Variants in ZNF671 observed in about 807,000 individuals in gnomAD.
The protein encoded by ZNF671 is zinc finger protein 671.
Under a neutral mutation model 16.6 loss-of-function variants are expected in ZNF671, and 19 were observed. That is an observed-to-expected ratio of 1.14 (90% CI 0.80 to 1.68). The LOEUF is 1.68. Among genes scored for constraint, ZNF671 ranks in the 40% most tolerant of loss-of-function variants. ZNF671 has a pLI of 0.00. For missense variants in ZNF671, 637 were observed against 659.8 expected (o/e 0.97, Z 0.38); for synonymous variants, 238 against 236.3 (o/e 1.01, Z -0.06).
Position 57,721,007 on chromosome 19 carries a change from C to A in ZNF671, c.1079G>T (p.Arg360Met), listed in dbSNP as rs1985845233. Residue 360 changes from arginine (R) to methionine (M), a missense_variant, in exon 4 of 4, where the codon AGG becomes ATG. Arg to Met is a moderately conservative substitution (Grantham distance 91). Coordinates refer to ENST00000317398, the MANE Select transcript of ZNF671 (RefSeq NM_024833.3). ...FRQISGLIEH[R>M]RVHTGERLYQ... is the part of the protein sequence containing the mutation. ...GAGTCTTTCACCCGTGTGAACTCGCCTGTGCTCAATCAGGCCGGAGATTTG... is the reference window on the plus strand; with the variant it reads ...GAGTCTTTCACCCGTGTGAACTCGCATGTGCTCAATCAGGCCGGAGATTTG... The A allele has an allele frequency of 6.2e-7, 1 of 1,614,176 alleles. No individual in the cohort carries two copies. Among genetic ancestry groups the A allele is most frequent in the Admixed American group, 1.7e-5 (1 of 60,020 alleles).
At chr19:57,724,042 CAAAA>C (rs59972380) in intron 1 of ZNF671, among the ~76,000 whole-genome samples, 5 of 124,812 alleles carry the variant, frequency 4.0e-5, no homozygotes, top group Non-Finnish European at 3.4e-5. Flanking sequence ...GACTCCATCT[CAAAA>C]AAAAAAAAAA....
chr19:57,724,753 C>T (rs1356676317), intron 1 of ZNF671, among the ~76,000 whole-genome samples: 2 of 152,122 alleles, frequency 1.3e-5, no homozygotes, highest in Non-Finnish European at 2.9e-5. Context: ...TCTTGATCTC[C>T]TGACCTCGTG....
intron 1 of ZNF671, among the ~76,000 whole-genome samples, chr19:57,725,252 G>A (rs1362347630): frequency 6.6e-6 from 1 of 150,650 alleles, no homozygotes; most frequent in Non-Finnish European, 1.5e-5. Context: ...TCTCCTGAGG[G>A]CAGGAGTTCG....
chr19:57,727,596 C>T lies in ZNF671; in HGVS notation c.-68G>A, dbSNP rs1463740226. The T allele has an allele frequency of 6.5e-7, 1 of 1,537,972 alleles. No homozygotes were observed. The highest frequency in any genetic ancestry group is 1.2e-5 in the South Asian group (1 of 81,800). On this transcript the variant is annotated 5_prime_UTR_variant, in exon 1 of 4. Coordinates refer to ENST00000317398, the MANE Select transcript of ZNF671 (RefSeq NM_024833.3). ...AGCGTTACAGAACCCCGGCCAGGGA[C>T]AGCCTGACAGAAACAAAATGTCCGC...
At chr19:57,725,321 C>G (rs1986006974) in intron 1 of ZNF671, among the ~76,000 whole-genome samples, 1 of 151,734 alleles carries the variant, frequency 6.6e-6, no homozygotes, top group South Asian at 2.1e-4. Flanking sequence ...AACAAATTAG[C>G]TGGGCGTGGT....
intron 1 of ZNF671, 78 bp downstream of exon 1, chr19:57,727,313 G>A: frequency 1.3e-6 from 2 of 1,504,986 alleles, no homozygotes; most frequent in Non-Finnish European, 1.8e-6. Flanking sequence ...CGCTGTCCTG[G>A]GACACAGGGG....
In ZNF671 at chr19:57,721,960, G is replaced by A. The variant is rs149040247; in HGVS notation, c.389-263C>T. The A allele has an allele frequency of 1.6e-3, 925 of 571,850 alleles. 2 individuals carry two copies. The highest frequency in any genetic ancestry group is 2.4e-3 in the Non-Finnish European group (793 of 328,596). 35.4% of individuals were successfully genotyped at this position (571,850 alleles called of 1,614,324 possible). Reference sequence around the variant, plus strand: ...GTAGGGCCTTGACTGTTAGTGACTCGTGAGTGCTATGAAAAATGTATCCAG... The same window carrying A: ...GTAGGGCCTTGACTGTTAGTGACTCATGAGTGCTATGAAAAATGTATCCAG... On this transcript the variant is annotated intron_variant, in intron 3 of 3. Transcript: ENST00000317398.
chr19:57,725,523 G>A lies in ZNF671; in HGVS notation c.138+1868C>T, dbSNP rs543121179. 2.2e-3 allele frequency among the ~76,000 whole-genome samples: 332 copies of A among 151,996 alleles called. 2 individuals are homozygous for A. The highest frequency in any genetic ancestry group is 7.5e-3 in the African/African-American group (309 of 41,424). On this transcript the variant is annotated intron_variant, in intron 1 of 3. Coordinates refer to ENST00000317398, the MANE Select transcript of ZNF671 (RefSeq NM_024833.3). ...TGGGCACCTGTAATCCCAGCTACTC[G>A]GGAGGCTGAGGTAGGAGAACTGCTT...
In ZNF671 at chr19:57,722,430, A is replaced by G. The variant is rs954400853; in HGVS notation, c.274T>C (p.Phe92Leu). 8.7e-6 allele frequency: 14 copies of G among 1,613,642 alleles called. No individual in the cohort carries two copies. Among genetic ancestry groups the G allele is most frequent in the African/African-American group, 4.0e-5 (3 of 74,906 alleles). Reference sequence around the variant, plus strand: ...TTCATGACTGCACGTGATCTGGAAAATGCAATTCCTAAGGGAAAGTCAGAA... The same window carrying G: ...TTCATGACTGCACGTGATCTGGAAAGTGCAATTCCTAAGGGAAAGTCAGAA... ...FALLASLGIA[F>L]SRSRAVMKLE... Residue 92 changes from phenylalanine (F) to leucine (L), a missense_variant, in exon 3 of 4, where the codon TTT (phenylalanine) becomes CTT (leucine). By Grantham distance (22) the Phe-to-Leu change is conservative (BLOSUM62 0). Coordinates refer to ENST00000317398, the MANE Select transcript of ZNF671 (RefSeq NM_024833.3).
intron 1 of ZNF671, among the ~76,000 whole-genome samples, chr19:57,724,377 ACTC>A (rs1334800744): frequency 6.6e-6 from 1 of 151,602 alleles, no homozygotes; most frequent in East Asian, 1.9e-4. Context: ...ATGTGTAACT[ACTC>A]CTTTAACTTG....
At position 57,720,399 on chromosome 19, in the gene ZNF671, A is replaced by G. The variant is rs2122451066; in HGVS notation, c.*82T>C. The G allele has an allele frequency of 6.6e-7, 1 of 1,526,438 alleles. No homozygotes were observed. Among genetic ancestry groups the G allele is most frequent in the Admixed American group, 1.9e-5 (1 of 51,394 alleles). The allele number at this position is 1,526,438 out of a possible 1,614,324, so 94.6% of individuals were successfully genotyped here. The stretch of plus-strand genomic sequence containing the variant: ...GGGAAGGCTTTCCTGCATCTGCTGC[A>G]CTCATTAACTACTGCTAGTTCCCCA... On this transcript the variant is annotated 3_prime_UTR_variant, in exon 4 of 4. Coordinates refer to ENST00000317398, the MANE Select transcript of ZNF671 (RefSeq NM_024833.3).
In ZNF671 at chr19:57,721,056, T is replaced by C; in HGVS notation, c.1030A>G (p.Ser344Gly). The C allele has an allele frequency of 6.2e-7, 1 of 1,614,194 alleles. No homozygotes were observed. Among genetic ancestry groups the C allele is most frequent in the Admixed American group, 1.7e-5 (1 of 60,026 alleles). The change falls in exon 4 of 4, where the codon AGC (serine) becomes GGC (glycine). Residue 344 changes from serine to glycine, a missense_variant. By Grantham distance (56) the Ser-to-Gly change is moderately conservative (BLOSUM62 0). Transcript: ENST00000317398. ...VHTGERPYEC[S>G]ECGKFFRQIS... ...TGTCTAAAGAATTTCCCACATTCGCTGCACTCGTATGGCCTTTCTCCAGTG... is the reference window on the plus strand; with the variant it reads ...TGTCTAAAGAATTTCCCACATTCGCCGCACTCGTATGGCCTTTCTCCAGTG...
In ZNF671 at chr19:57,727,589, C is replaced by A. The variant is rs1208029963; in HGVS notation, c.-61G>T. ...CCACACAAGCGTTACAGAACCCCGG[C>A]CAGGGACAGCCTGACAGAAACAAAA... On this transcript the variant is annotated 5_prime_UTR_variant, in exon 1 of 4. Transcript: ENST00000317398. 6 of 1,547,778 alleles carry A rather than the reference C, an allele frequency of 3.9e-6. No homozygotes were observed. The African/African-American group carries it at 4.1e-5, about 11-fold the overall frequency.
chr19:57,721,180 C>T lies in ZNF671; in HGVS notation c.906G>A (p.Arg302=). Reference sequence around the variant, plus strand: ...TTTCTCCAGTGTGGATTCTCTGATGCCGAGCAAGTGTGTCTTTGCGGGTGA... The same window carrying T: ...TTTCTCCAGTGTGGATTCTCTGATGTCGAGCAAGTGTGTCTTTGCGGGTGA... ...KAFTRKDTLA[R]HQRIHTGERP... The change falls in exon 4 of 4, where the codon CGG becomes CGA. Residue 302 remains arginine (R), a synonymous_variant. Coordinates refer to ENST00000317398, the MANE Select transcript of ZNF671 (RefSeq NM_024833.3). 1.2e-6 allele frequency: 2 copies of T among 1,613,220 alleles called. No individual in the cohort carries two copies. Among genetic ancestry groups the T allele is most frequent in the Non-Finnish European group, 1.7e-6 (2 of 1,179,350 alleles).
rs749283956 is a variant in ZNF671 at position 57,727,403 on chromosome 19, C to G, written c.126G>C (p.Thr42=). 1.2e-6 allele frequency: 2 copies of G among 1,605,666 alleles called. No individual in the cohort carries two copies. The highest frequency in any genetic ancestry group is 1.7e-6 in the Non-Finnish European group (2 of 1,174,282). The change falls in exon 1 of 4, where the codon ACG becomes ACC. Residue 42 remains threonine, a synonymous_variant. Coordinates refer to ENST00000317398, the MANE Select transcript of ZNF671 (RefSeq NM_024833.3). The part of the protein sequence containing the change: ...VRAHGPMAEL[T]DSARGCVVFE... ...ACGCAGCACCCACCCGCGCGGAGTC[C>G]GTTAGCTCCGCCATAGGACCGTGGG...
chr19:57,721,968 T>G, intron 3 of ZNF671: 1 of 564,678 alleles, frequency 1.8e-6, no homozygotes, highest in Non-Finnish European at 3.1e-6. Flanking sequence ...TCGTGAGTGC[T>G]ATGAAAAATG....
chr19:57,727,620 G>A lies in ZNF671; in HGVS notation c.-92C>T. On this transcript the variant is annotated 5_prime_UTR_variant, in exon 1 of 4. Transcript: ENST00000317398. Reference sequence around the variant, plus strand: ...ACAGCCTGACAGAAACAAAATGTCCGCTACAAGGAGGAGCCGGAAGTCCCG... The same window carrying A: ...ACAGCCTGACAGAAACAAAATGTCCACTACAAGGAGGAGCCGGAAGTCCCG... 2.0e-6 allele frequency: 3 copies of A among 1,515,830 alleles called. No homozygotes were observed. The highest frequency in any genetic ancestry group is 1.3e-5 in the South Asian group (1 of 77,334). The allele number at this position is 1,515,830 out of a possible 1,614,324, so 93.9% of individuals were successfully genotyped here. A position where few individuals can be genotyped will look rare whatever the true frequency, so the allele number is the denominator to read the frequency against.
intron 1 of ZNF671, among the ~76,000 whole-genome samples, chr19:57,723,619 C>T (rs1985948560): frequency 6.6e-6 from 1 of 152,088 alleles, no homozygotes; most frequent in Admixed American, 6.6e-5. Context: ...TGAACCTAGG[C>T]TCATTTTTCT....
intron 1 of ZNF671, 83 bp from the exon 2 acceptor site, chr19:57,723,423 C>G: frequency 6.7e-7 from 1 of 1,499,256 alleles, no homozygotes; most frequent in Admixed American, 2.1e-5. Flanking sequence ...ATCCTGCTAA[C>G]TAACCTCCCA....
Sources: gnomAD v4.1 joint callset for allele counts (sites outside exome capture counted in the v4.1 genomes callset) on GRCh38, gnomAD v4.1.1 for gene constraint, MANE v1.5 for transcripts, NCBI Gene and HGNC (gene_info 2026-07-23, HGNC 2026-07-21) for gene names.